Variants in NOP9 observed in about 807,000 individuals in gnomAD.
The protein encoded by NOP9 is NOP9 nucleolar protein.
Under a neutral mutation model 63.0 loss-of-function variants are expected in NOP9, and 50 were observed. The ratio of observed to expected loss-of-function variants is 0.79; its 90% CI spans 0.63 to 1.00. The LOEUF (loss-of-function observed/expected upper bound fraction) is 1.00. Among genes scored for constraint, NOP9 ranks in the 50% least tolerant of loss-of-function variants. The probability of loss-of-function intolerance (pLI) is 0.00; values close to 1 mark genes in which losing one functional copy is unlikely to be tolerated. For missense variants in NOP9, 758 were observed against 803.0 expected, an observed-to-expected ratio of 0.94 and a Z score of 0.68; for synonymous variants, 343 against 332.8, an observed-to-expected ratio of 1.03 and a Z score of -0.33.
chr14:24,299,881 C>G lies in NOP9; in HGVS notation c.-74C>G. 6.8e-7 allele frequency: 1 copy of G among 1,479,122 alleles called. No homozygotes were observed. The highest frequency in any genetic ancestry group is 9.0e-7 in the Non-Finnish European group (1 of 1,117,060). The allele number at this position is 1,479,122 out of a possible 1,614,324, so 91.6% of individuals were successfully genotyped here. A position where few individuals can be genotyped will look rare whatever the true frequency, so the allele number is the denominator to read the frequency against. On this transcript the variant is annotated 5_prime_UTR_variant, in exon 1 of 10. Transcript: ENST00000267425. ...GTTTCTAAACTTTGTCTGGATAAGG[C>G]GCACGCTTGGCGACGTCGAAGGTCC...
chr14:24,272,550 C>G, the NOP9 span, among the ~76,000 whole-genome samples: 2 of 152,220 alleles, frequency 1.3e-5, no homozygotes. Flanking sequence ...TGTTCTCCAC[C>G]TCATCCCTTG....
chr14:24,296,666 G>A (rs2139100512), upstream of NOP9: 1 of 1,613,592 alleles, frequency 6.2e-7, no homozygotes, highest in Non-Finnish European at 8.5e-7. Context: ...GGGACAATGA[G>A]TGGGGATGAA....
rs539151319 is a variant in NOP9, at chr14:24,305,496, C to T, written c.*401C>T. On this transcript the variant is annotated 3_prime_UTR_variant, in exon 10 of 10. Transcript: ENST00000267425. ...GGCGTTATGCTGAAAGGTTCTGTCACGAGGGGATCAGAGGACAGTGGGGAA... is the reference window on the plus strand; with the variant it reads ...GGCGTTATGCTGAAAGGTTCTGTCATGAGGGGATCAGAGGACAGTGGGGAA... 7.9e-5 allele frequency: 83 copies of T among 1,051,574 alleles called. No individual in the cohort carries two copies. Among genetic ancestry groups the T allele is most frequent in the African/African-American group, 6.2e-4 (39 of 63,010 alleles). 65.1% of individuals were successfully genotyped at this position (1,051,574 alleles called of 1,614,324 possible). A position where few individuals can be genotyped will look rare whatever the true frequency, so the allele number is the denominator to read the frequency against.
chr14:24,279,775 C>T, the NOP9 span, among the ~76,000 whole-genome samples: 1 of 152,340 alleles, frequency 6.6e-6, no homozygotes, highest in East Asian at 1.9e-4. Context: ...AGCTCACTGC[C>T]TGGCAAGGCT....
At position 24,300,178 on chromosome 14, in the gene NOP9, C is replaced by G; in HGVS notation, c.224C>G (p.Ala75Gly). The change falls in exon 1 of 10, where the codon GCT becomes GGT. Residue 75 changes from alanine to glycine, a missense_variant. By Grantham distance (60) the Ala-to-Gly change is moderately conservative (BLOSUM62 0). Transcript: ENST00000267425. ...CGGGCGCTGTCAGCATTGAAAGAGG[C>G]TCCCGAGACTGGGGAAGAACGAGGT... is the stretch of plus-strand genomic sequence containing the variant. ...FRRALSALKE[A>G]PETGEERDLM... 6.2e-7 allele frequency: 1 copy of G among 1,614,108 alleles called. No homozygotes were observed. The highest frequency in any genetic ancestry group is 8.5e-7 in the Non-Finnish European group (1 of 1,179,980).
At chr14:24,291,103 A>T in the NOP9 span, 1 of 1,613,804 alleles carries the variant, frequency 6.2e-7, no homozygotes, top group Non-Finnish European at 8.5e-7. Context: ...CAGAGGGAAC[A>T]GCAGTCAAGG....
upstream of NOP9, among the ~76,000 whole-genome samples, chr14:24,297,079 G>C (rs1440526073): frequency 6.6e-6 from 1 of 152,230 alleles, no homozygotes; most frequent in African/African-American, 2.4e-5. Context: ...CCCCACCACA[G>C]AGCAAGGTGA....
chr14:24,292,441 C>T, the NOP9 span: 2 of 1,521,872 alleles, frequency 1.3e-6, no homozygotes, highest in Admixed American at 1.9e-5. Flanking sequence ...TCCCAGGAGC[C>T]CCAAGGTCTC....
At chr14:24,285,194 A>G in the NOP9 span, among the ~76,000 whole-genome samples, 1 of 152,214 alleles carries the variant, frequency 6.6e-6, no homozygotes, top group South Asian at 2.1e-4. Context: ...CATGCATCTC[A>G]CAGCCATGTT....
At position 24,303,696 on chromosome 14, in the gene NOP9, G is replaced by A. The variant is rs769528552; in HGVS notation, c.1285-36G>A. ...TAAAGTTGAGGTAAGGGACGGAGAA[G>A]TTCTCAGGTTCATCATATTCTGTCT... is the stretch of plus-strand genomic sequence containing the variant. On this transcript the variant is annotated intron_variant, in intron 6 of 9. Transcript: ENST00000267425. The A allele has an allele frequency of 3.7e-6, 6 of 1,601,774 alleles. No homozygotes were observed. In the African/African-American group the frequency reaches 6.7e-5, roughly 18 times the overall value.
intron 6 of NOP9, 42 bp downstream of exon 6, chr14:24,303,256 A>G (rs753915595): frequency 1.2e-6 from 2 of 1,612,238 alleles, no homozygotes; most frequent in South Asian, 1.1e-5. Context: ...CCCTCAGTTC[A>G]ACTTCTACCT....
Position 24,305,080 on chromosome 14 carries a change from C to T in NOP9, c.1896C>T (p.Ser632=). The change falls in exon 10 of 10, where the codon TCC becomes TCT. Residue 632 remains serine, a synonymous_variant. Coordinates refer to ENST00000267425, the MANE Select transcript of NOP9 (RefSeq NM_174913.3). ...CCAAGCGGAGGCGGGCATTGAACTC[C>T]ATACTTGAAGACTGAGGCTTTGGAT... The part of the protein sequence containing the change: ...AVAKRRRALN[S]ILED 1 of 1,553,276 alleles carries T rather than the reference C, an allele frequency of 6.4e-7. No homozygotes were observed. Among genetic ancestry groups the T allele is most frequent in the Non-Finnish European group, 8.7e-7 (1 of 1,148,294 alleles).
the NOP9 span, chr14:24,291,179 G>C: frequency 1.3e-4 from 209 of 1,614,182 alleles, 1 homozygote; most frequent in East Asian, 2.0e-3. Context: ...CAAGGTCACA[G>C]GATGGCAGCA....
At chr14:24,291,730 A>AGACCAAT in the NOP9 span, 1 of 1,214,728 alleles carries the variant, frequency 8.2e-7, no homozygotes, top group Non-Finnish European at 1.2e-6. Flanking sequence ...CAAAGACCAA[A>AGACCAAT]GAGGCCAAAG....
chr14:24,296,723 A>G (rs1186024427), upstream of NOP9: 1 of 1,614,028 alleles, frequency 6.2e-7, no homozygotes, highest in African/African-American at 1.3e-5. Flanking sequence ...GTTGGGAACA[A>G]AGTTCAAAGG....
chr14:24,298,098 T>A (rs2041291354), upstream of NOP9, among the ~76,000 whole-genome samples: 1 of 152,136 alleles, frequency 6.6e-6, no homozygotes, highest in Admixed American at 6.5e-5. Flanking sequence ...CAGGCTGGAG[T>A]GCAGTGGTGC....
chr14:24,299,366 A>C (rs2041324266), upstream of NOP9: 1 of 392,972 alleles, frequency 2.5e-6, no homozygotes, highest in Non-Finnish European at 4.6e-6. Flanking sequence ...CCAGAGGTGG[A>C]CAACTACTAC....
At chr14:24,291,156 C>T in the NOP9 span, 5 of 1,614,172 alleles carry the variant, frequency 3.1e-6, no homozygotes, top group Non-Finnish European at 4.2e-6. Flanking sequence ...ATCCCGAAGG[C>T]CATAGCGTCG....
At chr14:24,292,456 GCCCACGCTC>G in the NOP9 span, 1 of 1,480,296 alleles carries the variant, frequency 6.8e-7, no homozygotes, top group Non-Finnish European at 9.2e-7. Context: ...GGTCTCAGCT[GCCCACGCTC>G]CCCAGTGTGA....
Sources: allele counts gnomAD v4.1 joint callset (sites outside exome capture counted in the v4.1 genomes callset), GRCh38; gene constraint gnomAD v4.1.1; transcripts MANE v1.5; gene names NCBI Gene and HGNC (gene_info 2026-07-23, HGNC 2026-07-21).